KMT2C: variants seen among roughly 807,000 people sequenced by gnomAD.
KMT2C encodes lysine methyltransferase 2C, also known as histone-lysine N-methyltransferase 2C.
KMT2C carries 88 observed loss-of-function variants against 507.9 expected under a neutral mutation model. The observed-to-expected ratio is 0.17, with a 90% CI of 0.15 to 0.21. The LOEUF (loss-of-function observed/expected upper bound fraction) is 0.21, where lower values mean the gene tolerates loss of function less well. Among genes scored for constraint, KMT2C ranks in the 10% least tolerant of loss-of-function variants. KMT2C has a pLI of 1.00. For synonymous variants in KMT2C, 2,049 were observed against 2,080.8 expected, an observed-to-expected ratio of 0.98 and a Z score of 0.42; for missense variants, 4,954 against 5,957.8, an observed-to-expected ratio of 0.83 and a Z score of 5.55.
At chr7:152,304,087 T>C (rs1263408348) in intron 6 of KMT2C, among the ~76,000 whole-genome samples, 1 of 152,090 alleles carries the variant, frequency 6.6e-6, no homozygotes, top group Non-Finnish European at 1.5e-5. Context: ...ATGTGCACAA[T>C]CAAAAAATTT....
At chr7:152,210,879 TA>T (rs1366930056) in intron 23 of KMT2C, among the ~76,000 whole-genome samples, 1 of 151,884 alleles carries the variant, frequency 6.6e-6, no homozygotes, top group African/African-American at 2.4e-5. Context: ...GAAGATAAAA[TA>T]AGGACATGAA....
chr7:152,226,219 C>CTTTTTTTT (rs869076803), intron 18 of KMT2C, among the ~76,000 whole-genome samples: 36 of 94,946 alleles, frequency 3.8e-4, no homozygotes, highest in African/African-American at 1.3e-3. Context: ...ATTACAAGGC[C>CTTTTTTTT]TTTTTTTTTT....
At chr7:152,397,578 T>C (rs560462603) in intron 1 of KMT2C, among the ~76,000 whole-genome samples, 9 of 152,246 alleles carry the variant, frequency 5.9e-5, no homozygotes, top group African/African-American at 1.7e-4. Context: ...TTTTGGGAGA[T>C]GGGAGGATCC....
intron 58 of KMT2C, chr7:152,137,165 G>A: frequency 2.2e-6 from 1 of 451,792 alleles, no homozygotes; most frequent in Non-Finnish European, 4.0e-6. Flanking sequence ...AGCCTGACCA[G>A]AGAAAGCTGT....
intron 23 of KMT2C, among the ~76,000 whole-genome samples, chr7:152,214,993 A>C (rs2094537713): frequency 6.6e-6 from 1 of 152,170 alleles, no homozygotes; most frequent in Non-Finnish European, 1.5e-5. Flanking sequence ...TGAAGGATAC[A>C]GACATTTGTT....
chr7:152,274,740 T>A (rs2096050305), intron 6 of KMT2C, among the ~76,000 whole-genome samples: 1 of 152,194 alleles, frequency 6.6e-6, no homozygotes, highest in African/African-American at 2.4e-5. Flanking sequence ...CTATCTAACA[T>A]AAATTTTTGT....
chr7:152,225,715 A>T (rs1278156483), intron 18 of KMT2C, among the ~76,000 whole-genome samples: 1 of 152,252 alleles, frequency 6.6e-6, no homozygotes, highest in Non-Finnish European at 1.5e-5. Context: ...GATGAGAACA[A>T]CATACCTAGA....
chr7:152,148,853 C>T lies in KMT2C; in HGVS notation c.13074G>A (p.Lys4358=), dbSNP rs545120533. ...GGATTACAATATGAATGCTCCACTTCTTCCATTTCATTCCTCTCCATTTTT... is the reference window on the plus strand; with the variant it reads ...GGATTACAATATGAATGCTCCACTTTTTCCATTTCATTCCTCTCCATTTTT... ...LNKKWRGMKW[K]KWSIHIVIPK... The change falls in exon 52 of 59, where the codon AAG becomes AAA. Residue 4358 remains lysine (K), a synonymous_variant. Transcript: ENST00000262189. The surrounding 1 kb of genome is among the most constrained non-coding windows in gnomAD (Gnocchi z 7.1). The T allele has an allele frequency of 1.1e-5, 17 of 1,614,236 alleles. No homozygotes were observed. The South Asian group carries it at 1.9e-4, about 18-fold the overall frequency.
intron 1 of KMT2C, among the ~76,000 whole-genome samples, chr7:152,423,315 G>T (rs2116745230): frequency 6.6e-6 from 1 of 152,328 alleles, no homozygotes; most frequent in South Asian, 2.1e-4. Context: ...ACTCCAGCCT[G>T]CATGACAGAG....
At chr7:152,166,229 C>A (rs1292334091) in intron 42 of KMT2C, among the ~76,000 whole-genome samples, 1 of 150,524 alleles carries the variant, frequency 6.6e-6, no homozygotes, top group African/African-American at 2.5e-5. Flanking sequence ...TGCAGGGATT[C>A]TCCTGCCTCA....
At chr7:152,410,571 C>G (rs1177206027) in intron 1 of KMT2C, among the ~76,000 whole-genome samples, 1 of 151,344 alleles carries the variant, frequency 6.6e-6, no homozygotes, top group Non-Finnish European at 1.5e-5. Flanking sequence ...GAGCAAGACT[C>G]CATCTCAAAT....
intron 6 of KMT2C, among the ~76,000 whole-genome samples, chr7:152,297,051 A>AAGAAAGAAAGAAAGAAAGACAGAC (rs1356233143): frequency 7.6e-4 from 46 of 60,258 alleles, no homozygotes; most frequent in African/African-American, 1.5e-3. Flanking sequence ...GAAAGAAAGA[A>AAGAAAGAAAGAAAGAAAGACAGAC]AGACAGAGAG....
At chr7:152,364,578 C>T (rs560819776) in intron 1 of KMT2C, among the ~76,000 whole-genome samples, 5 of 145,092 alleles carry the variant, frequency 3.4e-5, no homozygotes, top group African/African-American at 1.4e-4. Context: ...CACTGCACTC[C>T]AGCCTGGGTG....
At chr7:152,155,067 A>C (rs959895018) in intron 46 of KMT2C, 1 of 152,198 alleles carries the variant, frequency 6.6e-6, no homozygotes, top group African/African-American at 2.4e-5. Context: ...GTTTGAGTCT[A>C]CCAGGCCAAT....
intron 53 of KMT2C, 21 bp from the exon 54 acceptor site, chr7:152,145,316 C>T (rs2129093435): frequency 6.2e-7 from 1 of 1,611,476 alleles, no homozygotes; most frequent in Non-Finnish European, 8.5e-7. Context: ...GCAAAGCAGA[C>T]ACAAAGTCAC....
At chr7:152,374,576 T>C (rs1207460478) in intron 1 of KMT2C, among the ~76,000 whole-genome samples, 1 of 152,054 alleles carries the variant, frequency 6.6e-6, no homozygotes, top group African/African-American at 2.4e-5. Context: ...AGTCAGGTTA[T>C]GGGAAAATCG....
chr7:152,147,564 G>T (rs964322725), intron 52 of KMT2C, among the ~76,000 whole-genome samples: 9 of 151,428 alleles, frequency 5.9e-5, no homozygotes, highest in Non-Finnish European at 1.5e-5. Context: ...AAAATTAGCC[G>T]GGCATGGTAG....
intron 3 of KMT2C, among the ~76,000 whole-genome samples, chr7:152,328,681 C>T (rs951656131): frequency 2.6e-5 from 4 of 152,060 alleles, no homozygotes; most frequent in African/African-American, 9.7e-5. Context: ...TAAAGAGAAG[C>T]AGAAAGACTG....
At chr7:152,318,575 C>T (rs1164260352) in intron 3 of KMT2C, among the ~76,000 whole-genome samples, 2 of 143,008 alleles carry the variant, frequency 1.4e-5, no homozygotes, top group Admixed American at 7.4e-5. Context: ...TGCAGTGAGC[C>T]GAGATCGCAC....
Sources: allele counts gnomAD v4.1 joint callset (sites outside exome capture counted in the v4.1 genomes callset), GRCh38; gene constraint gnomAD v4.1.1; non-coding constraint Gnocchi (gnomAD v3.1); transcripts MANE v1.5; gene names NCBI Gene and HGNC (gene_info 2026-07-23, HGNC 2026-07-21).